The following GRIK3 variants were observed in gnomAD, a reference collection of about 807,000 sequenced individuals.
GRIK3 encodes the protein glutamate receptor ionotropic, kainate 3.
Under a neutral mutation model 102.5 loss-of-function variants are expected in GRIK3, and 29 were observed. That is an observed-to-expected ratio of 0.28 (90% CI 0.21 to 0.39). The LOEUF is 0.39. GRIK3 is among the 10% of genes least tolerant of loss of function. The pLI, the probability that GRIK3 is intolerant of heterozygous loss-of-function variation, is 1.00. For missense variants in GRIK3, 908 were observed against 1,252.4 expected (o/e 0.73, Z 4.15); for synonymous variants, 511 against 504.9 (o/e 1.01, Z -0.16).
chr1:36,880,736 C>T lies in GRIK3; in HGVS notation c.448G>A (p.Val150Met), dbSNP rs780055449. ...GAGGCGTAGTCGGGGTAGAGGTTCA[C>T]GTAGAAGGTGTCCTTGTTGTCCAGC... ...HPLDNKDTFYVNLYPDYASLS... is the reference protein window; with the variant it reads ...HPLDNKDTFYMNLYPDYASLS... The change falls in exon 3 of 16, where the codon GTG (valine) becomes ATG (methionine). Residue 150 changes from valine to methionine, a missense_variant. Val to Met is a conservative substitution (Grantham distance 21). Around this residue, in one of 3 missense-constraint regions of GRIK3, gnomAD observed 585 missense variants for 824.9 expected, o/e 0.71. Transcript: ENST00000373091. The surrounding 1 kb of genome is among the most constrained non-coding windows in gnomAD (Gnocchi z 5.4). 2.5e-6 allele frequency: 4 copies of T among 1,614,170 alleles called. No homozygotes were observed. Among genetic ancestry groups the T allele is most frequent in the Non-Finnish European group, 3.4e-6 (4 of 1,179,998 alleles).
In GRIK3 at chr1:36,963,110, G is replaced by A. The variant is rs149002778; in HGVS notation, c.115+70884C>T. Among the ~76,000 whole-genome samples, 255 of 152,214 alleles carry A rather than the reference G, an allele frequency of 1.7e-3. 7 individuals are homozygous for A. Among genetic ancestry groups the A allele is most frequent in the Non-Finnish European group, 4.0e-4 (27 of 67,982 alleles). ...TTAGCCAACCCCGAGGTCAGGGACC[G>A]AGGCAGGGAGCCCAGGGGAGGGGTC... is the stretch of plus-strand genomic sequence containing the variant. On this transcript the variant is annotated intron_variant, in intron 1 of 15. Transcript: ENST00000373091.
chr1:36,969,929 A>G (rs926800597), intron 1 of GRIK3, among the ~76,000 whole-genome samples: 17 of 152,284 alleles, frequency 1.1e-4, no homozygotes, highest in African/African-American at 3.9e-4. Flanking sequence ...GAAAAATGGC[A>G]ATATGAAATA....
In GRIK3 at chr1:36,872,120, G is replaced by A. The variant is rs1640848852; in HGVS notation, c.732+68C>T. 1 of 1,395,020 alleles carries A rather than the reference G, an allele frequency of 7.2e-7. No homozygotes were observed. The highest frequency in any genetic ancestry group is 1.4e-5 in the African/African-American group (1 of 69,374). 86.4% of individuals were successfully genotyped at this position (1,395,020 alleles called of 1,614,324 possible). On this transcript the variant is annotated intron_variant, in intron 4 of 15. Transcript: ENST00000373091. This position sits in a 1 kb window ranked among gnomAD's most constrained non-coding sequence, Gnocchi z 5.9. Reference sequence around the variant, plus strand: ...TCTGGCAGCATCACACCCACATTTGGGAAGGGGACGTGGGAGAAGTGGCCA... The same window carrying A: ...TCTGGCAGCATCACACCCACATTTGAGAAGGGGACGTGGGAGAAGTGGCCA...
At chr1:36,849,493 C>T (rs1458419224) in intron 9 of GRIK3, among the ~76,000 whole-genome samples, 3 of 152,252 alleles carry the variant, frequency 2.0e-5, no homozygotes, top group African/African-American at 7.2e-5. Context: ...CTCAAAGGGT[C>T]TTCAGTCATA....
intron 1 of GRIK3, among the ~76,000 whole-genome samples, chr1:36,903,073 C>T (rs981764156): frequency 6.6e-6 from 1 of 152,130 alleles, no homozygotes; most frequent in Non-Finnish European, 1.5e-5. Flanking sequence ...TACCGTGAGC[C>T]ACCACGCCCG....
chr1:37,014,221 T>C (rs939373332), intron 1 of GRIK3, among the ~76,000 whole-genome samples: 9 of 152,252 alleles, frequency 5.9e-5, no homozygotes, highest in Non-Finnish European at 8.8e-5. Flanking sequence ...CTAAGTAGAG[T>C]AGATGAGGTC....
intron 1 of GRIK3, among the ~76,000 whole-genome samples, chr1:37,008,652 G>A (rs1642556956): frequency 6.6e-6 from 1 of 152,208 alleles, no homozygotes; most frequent in South Asian, 2.1e-4. Context: ...GGCAGTGCCA[G>A]GCCAGTGTCC....
At chr1:36,876,586 A>G (rs895374772) in intron 3 of GRIK3, among the ~76,000 whole-genome samples, 2 of 152,200 alleles carry the variant, frequency 1.3e-5, no homozygotes, top group African/African-American at 2.4e-5. Context: ...GCTTGAGTCA[A>G]TGTGAGTTGG....
At chr1:36,802,116 G>C in intron 15 of GRIK3, 71 bp from the exon 16 acceptor site, 1 of 1,092,332 alleles carries the variant, frequency 9.2e-7, no homozygotes. Context: ...ACTCCAGCCA[G>C]TTCCTCCCCT....
At chr1:37,022,851 C>G (rs1206085534) in intron 1 of GRIK3, among the ~76,000 whole-genome samples, 1 of 152,206 alleles carries the variant, frequency 6.6e-6, no homozygotes, top group East Asian at 1.9e-4. Context: ...AACAACCTGG[C>G]TATGGCCCAT....
chr1:36,880,144 T>C lies in GRIK3; in HGVS notation c.550+490A>G, dbSNP rs1020660490. Among the ~76,000 whole-genome samples, 1 of 152,226 alleles carries C rather than the reference T, an allele frequency of 6.6e-6. No homozygotes were observed. The highest frequency in any genetic ancestry group is 1.5e-5 in the Non-Finnish European group (1 of 68,048). On this transcript the variant is annotated intron_variant, in intron 3 of 15. Coordinates refer to ENST00000373091, the MANE Select transcript of GRIK3 (RefSeq NM_000831.4). This position sits in a 1 kb window ranked among gnomAD's most constrained non-coding sequence, Gnocchi z 5.4. ...ATAGGAAACTGAGGCACAAAGAGGC[T>C]ACTCAGCCAGCAGGTGATAGAGATG... is the stretch of plus-strand genomic sequence containing the variant.
At position 36,812,218 on chromosome 1, in the gene GRIK3, T is replaced by C. The variant is rs1642570224; in HGVS notation, c.2091+4842A>G. Among the ~76,000 whole-genome samples, 3 of 152,168 alleles carry C rather than the reference T, an allele frequency of 2.0e-5. No individual in the cohort carries two copies. The South Asian group carries it at 6.2e-4, about 32-fold the overall frequency. ...GGACCAGGTGACCTCTCTGACAGCA[T>C]GCCCAGGTCAGATGCTAGGAACCGA... On this transcript the variant is annotated intron_variant, in intron 13 of 15. Coordinates refer to ENST00000373091, the MANE Select transcript of GRIK3 (RefSeq NM_000831.4).
At chr1:36,814,979 G>T (rs747070352) in intron 13 of GRIK3, among the ~76,000 whole-genome samples, 10 of 152,116 alleles carry the variant, frequency 6.6e-5, no homozygotes, top group Non-Finnish European at 1.2e-4. Context: ...CCCCACACAG[G>T]CAGAGTTGTG....
At chr1:36,986,336 C>T (rs535337291) in intron 1 of GRIK3, among the ~76,000 whole-genome samples, 8 of 151,942 alleles carry the variant, frequency 5.3e-5, no homozygotes, top group Non-Finnish European at 8.8e-5. Flanking sequence ...TCCATCTGTC[C>T]GCCCATCCAT....
chr1:36,835,970 C>G (rs544491372), intron 10 of GRIK3, among the ~76,000 whole-genome samples: 44 of 152,314 alleles, frequency 2.9e-4, no homozygotes, highest in East Asian at 1.7e-3. Context: ...CGAGCTCCCC[C>G]AGGGCTCCAC....
At chr1:36,940,273 G>A (rs1641704466) in intron 1 of GRIK3, among the ~76,000 whole-genome samples, 2 of 152,318 alleles carry the variant, frequency 1.3e-5, no homozygotes, top group South Asian at 4.1e-4. Context: ...TGTGGCCCTG[G>A]TAGCCCCACA....
intron 1 of GRIK3, among the ~76,000 whole-genome samples, chr1:36,982,931 C>G (rs1642265211): frequency 6.6e-6 from 1 of 152,180 alleles, no homozygotes; most frequent in Non-Finnish European, 1.5e-5. Context: ...CTCCCCAGAA[C>G]CCGATCATCT....
chr1:37,022,726 G>A (rs989747939), intron 1 of GRIK3, among the ~76,000 whole-genome samples: 61 of 152,164 alleles, frequency 4.0e-4, no homozygotes, highest in Admixed American at 3.3e-4. Context: ...GGGGCAGTTA[G>A]GTGGACTTAC....
chr1:36,907,516 G>A (rs1277685822), intron 1 of GRIK3, among the ~76,000 whole-genome samples: 1 of 152,174 alleles, frequency 6.6e-6, no homozygotes, highest in Non-Finnish European at 1.5e-5. Flanking sequence ...CTGCTGTTTG[G>A]AGGAAGGCGA....
Sources: gnomAD v4.1 joint callset for allele counts (sites outside exome capture counted in the v4.1 genomes callset) on GRCh38, gnomAD v4.1.1 for gene constraint, gnomAD v4.1.1 regional missense constraint, Gnocchi (gnomAD v3.1) non-coding constraint, MANE v1.5 for transcripts, NCBI Gene and HGNC (gene_info 2026-07-23, HGNC 2026-07-21) for gene names.